WDR97: variants seen among roughly 807,000 people sequenced by gnomAD.
The protein encoded by WDR97 is WD repeat domain 97, also known as WD repeat-containing protein 97.
A neutral mutation model predicts 65.4 loss-of-function variants in WDR97; 111 were observed. The ratio of observed to expected loss-of-function variants is 1.70; its 90% CI spans 1.45 to 1.99. The LOEUF is 1.99. Among genes scored for constraint, WDR97 ranks in the 30% most tolerant of loss-of-function variants. WDR97 has a pLI of 0.00. For synonymous variants in WDR97, 802 were observed against 397.7 expected, an observed-to-expected ratio of 2.02 and a Z score of -12.10; for missense variants, 1,674 against 865.0, an observed-to-expected ratio of 1.94 and a Z score of -11.73.
At chr8:144,115,887 G>A (rs754611435) in intron 22 of WDR97, 29 bp downstream of exon 22, 5 of 698,488 alleles carry the variant, frequency 7.2e-6, no homozygotes, top group Admixed American at 2.0e-5. Flanking sequence ...GGCGGGGCCT[G>A]CGTGGGGCAG....
At chr8:144,108,012 G>A in intron 1 of WDR97, 47 bp from the exon 2 acceptor site, 2 of 702,528 alleles carry the variant, frequency 2.8e-6, no homozygotes, top group Admixed American at 2.0e-5. Flanking sequence ...CGTCAGGGTC[G>A]AGGACCTGAG....
Position 144,113,477 on chromosome 8 carries a change from C to A in WDR97, c.3143C>A (p.Pro1048His), listed in dbSNP as rs1836587877. 1 of 702,184 alleles carries A rather than the reference C, an allele frequency of 1.4e-6. No individual in the cohort carries two copies. Among genetic ancestry groups the A allele is most frequent in the Non-Finnish European group, 2.6e-6 (1 of 384,748 alleles). The allele number at this position is 702,184 out of a possible 1,614,324, so 43.5% of individuals were successfully genotyped here. A position where few individuals can be genotyped will look rare whatever the true frequency, so the allele number is the denominator to read the frequency against. The change falls in exon 16 of 24, where the codon CCC becomes CAC. Residue 1048 changes from proline to histidine, a missense_variant. Pro to His is a moderately conservative substitution (Grantham distance 77). Coordinates refer to ENST00000323662, the MANE Select transcript of WDR97 (RefSeq NM_001316309.2). ...CCCATCTGCTTCCCCGGCTATGTGC[C>A]CAACTCCGCGGTGCTACAGCAGATG... ...LRPICFPGYVPNSAVLQQMWL... is the reference protein window; with the variant it reads ...LRPICFPGYVHNSAVLQQMWL...
At position 144,115,924 on chromosome 8, in the gene WDR97, CCCT is replaced by C. The variant is rs1836647443; in HGVS notation, c.4596-14_4596-12del. ...CAAGCGTGGGGCTGGGCCAGCTGAA[CCCT>C]CCTCTTTGCCTCCAGGTACCACCCC... On this transcript the variant is annotated splice_polypyrimidine_tract_variant and intron_variant, in intron 22 of 23. Coordinates refer to ENST00000323662, the MANE Select transcript of WDR97 (RefSeq NM_001316309.2). 5.7e-6 allele frequency: 4 copies of C among 700,988 alleles called. No individual in the cohort carries two copies. Among genetic ancestry groups the C allele is most frequent in the Middle Eastern group, 2.6e-4 (1 of 3,900 alleles). The allele number at this position is 700,988 out of a possible 1,614,324, so 43.4% of individuals were successfully genotyped here.
In WDR97 at chr8:144,114,345, C is replaced by T. The variant is rs926604665; in HGVS notation, c.3662C>T (p.Thr1221Met). Residue 1221 changes from threonine (T) to methionine (M), a missense_variant, in exon 19 of 24, where the codon ACG becomes ATG. Thr to Met is a moderately conservative substitution (Grantham distance 81). Coordinates refer to ENST00000323662, the MANE Select transcript of WDR97 (RefSeq NM_001316309.2). ...SLLVALLEKT[T>M]WVDRVHILQV... is the part of the protein sequence containing the mutation. The stretch of plus-strand genomic sequence containing the variant: ...TTGGTGGCCCTGCTGGAGAAGACCA[C>T]GTGGGTCGACCGTGTGCACATCCTG... 48 of 702,758 alleles carry T rather than the reference C, an allele frequency of 6.8e-5. No homozygotes were observed. The highest frequency in any genetic ancestry group is 1.0e-4 in the South Asian group (7 of 67,606). 43.5% of individuals were successfully genotyped at this position (702,758 alleles called of 1,614,324 possible).
Position 144,117,316 on chromosome 8 carries a change from T to TCACAG in WDR97, c.*1023_*1024insCACAG. On this transcript the variant is annotated 3_prime_UTR_variant, in exon 24 of 24. Transcript: ENST00000323662. The stretch of plus-strand genomic sequence containing the variant: ...TGCAGAAGGCCAAGGTTCACAGGTG[T>TCACAG]GCGATGAGACTGAGGACTGAGTCTG... 6.6e-6 allele frequency: 1 copy of TCACAG among 152,212 alleles called. No individual in the cohort carries two copies. The highest frequency in any genetic ancestry group is 1.5e-5 in the Non-Finnish European group (1 of 68,072). 9.4% of individuals were successfully genotyped at this position (152,212 alleles called of 1,614,324 possible). A position where few individuals can be genotyped will look rare whatever the true frequency, so the allele number is the denominator to read the frequency against.
intron 8 of WDR97, 24 bp from the exon 9 acceptor site, chr8:144,110,840 C>T (rs1836532133): frequency 1.4e-6 from 1 of 702,638 alleles, no homozygotes; most frequent in East Asian, 2.7e-5. Context: ...TGCTGAGCCT[C>T]GGCTGCCCTG....
Position 144,112,563 on chromosome 8 carries a change from T to C in WDR97, c.3105+33T>C, listed in dbSNP as rs1234317479. The C allele has an allele frequency of 5.7e-6, 4 of 702,256 alleles. No homozygotes were observed. In the Admixed American group the frequency reaches 6.0e-5, roughly 11 times the overall value. 43.5% of individuals were successfully genotyped at this position (702,256 alleles called of 1,614,324 possible). On this transcript the variant is annotated intron_variant, in intron 15 of 23. Transcript: ENST00000323662. The stretch of plus-strand genomic sequence containing the variant: ...CCCCTCCCAGCTCCTGGAGAGCCAC[T>C]CCTCTCCAGGCATCACTCTTGTGCC...
rs2130044761 is a variant in WDR97, at chr8:144,108,852, C to A, written c.786C>A (p.Val262=). 1.4e-6 allele frequency: 1 copy of A among 702,960 alleles called. No homozygotes were observed. Among genetic ancestry groups the A allele is most frequent in the East Asian group, 2.7e-5 (1 of 37,284 alleles). The allele number at this position is 702,960 out of a possible 1,614,324, so 43.5% of individuals were successfully genotyped here. ...LAVAPVPPHH[V]LRCFAAYGSA... ...TGGCGCCGGTTCCTCCCCACCACGT[C>A]CTGCGCTGCTTCGCGGCCTATGGCT... The change falls in exon 3 of 24, where the codon GTC becomes GTA. Residue 262 remains valine, a synonymous_variant. Coordinates refer to ENST00000323662, the MANE Select transcript of WDR97 (RefSeq NM_001316309.2).
Position 144,114,102 on chromosome 8 carries a change from T to C in WDR97, c.3534T>C (p.Phe1178=). ...LDEHYGHLPK[F]LHFFIYQTWF... ...AGCATTACGGGCATCTGCCCAAGTT[T>C]CTGCATTTCTTCATCTACCAGACCT... is the stretch of plus-strand genomic sequence containing the variant. Residue 1178 remains phenylalanine (F), a synonymous_variant, in exon 18 of 24, where the codon TTT becomes TTC. Transcript: ENST00000323662. The C allele has an allele frequency of 1.4e-6, 1 of 702,878 alleles. No homozygotes were observed. The highest frequency in any genetic ancestry group is 1.5e-5 in the South Asian group (1 of 67,610). 43.5% of individuals were successfully genotyped at this position (702,878 alleles called of 1,614,324 possible). A position where few individuals can be genotyped will look rare whatever the true frequency, so the allele number is the denominator to read the frequency against.
Position 144,114,050 on chromosome 8 carries a change from A to T in WDR97, c.3482A>T (p.His1161Leu), listed in dbSNP as rs972508131. The T allele has an allele frequency of 1.4e-6, 1 of 702,724 alleles. No individual in the cohort carries two copies. Among genetic ancestry groups the T allele is most frequent in the African/African-American group, 1.7e-5 (1 of 57,282 alleles). The allele number at this position is 702,724 out of a possible 1,614,324, so 43.5% of individuals were successfully genotyped here. A position where few individuals can be genotyped will look rare whatever the true frequency, so the allele number is the denominator to read the frequency against. The change falls in exon 18 of 24, where the codon CAC becomes CTC. Residue 1161 changes from histidine (H) to leucine (L), a missense_variant. Transcript: ENST00000323662. Reference sequence around the variant, plus strand: ...GCCAGGACCCACCCTCATCCCTGGCACCGTCATGGGAGTTTGCTCTTGGAT... The same window carrying T: ...GCCAGGACCCACCCTCATCCCTGGCTCCGTCATGGGAGTTTGCTCTTGGAT... ...KVARTHPHPW[H>L]RHGSLLLDEH... is the part of the protein sequence containing the mutation.
In WDR97 at chr8:144,111,479, C is replaced by G; in HGVS notation, c.2480C>G (p.Pro827Arg). ...AGGGCAACATCTCAGCACCTGGTGCCGAAGGAGGTGGGGTGGGTCCTCCTT... is the reference window on the plus strand; with the variant it reads ...AGGGCAACATCTCAGCACCTGGTGCGGAAGGAGGTGGGGTGGGTCCTCCTT... ...RRRATSQHLV[P>R]KEDLDAIVAR... Residue 827 changes from proline (P) to arginine (R), a missense_variant, in exon 11 of 24, where the codon CCG becomes CGG. By Grantham distance (103) the Pro-to-Arg change is moderately radical (BLOSUM62 -2). Coordinates refer to ENST00000323662, the MANE Select transcript of WDR97 (RefSeq NM_001316309.2). 1 of 702,646 alleles carries G rather than the reference C, an allele frequency of 1.4e-6. No individual in the cohort carries two copies. The highest frequency in any genetic ancestry group is 1.7e-5 in the African/African-American group (1 of 57,350). The allele number at this position is 702,646 out of a possible 1,614,324, so 43.5% of individuals were successfully genotyped here.
intron 15 of WDR97, chr8:144,112,975 CT>C (rs1299588244): frequency 3.4e-6 from 1 of 297,558 alleles, no homozygotes; most frequent in East Asian, 7.6e-5. Context: ...CCAGGCAGGC[CT>C]CAGCCCCTCC....
rs1408038582 is a variant in WDR97 at position 144,115,552 on chromosome 8, C to T, written c.4289C>T (p.Thr1430Ile). The T allele has an allele frequency of 2.9e-6, 2 of 696,060 alleles. No homozygotes were observed. The highest frequency in any genetic ancestry group is 3.0e-5 in the South Asian group (2 of 67,284). The allele number at this position is 696,060 out of a possible 1,614,324, so 43.1% of individuals were successfully genotyped here. A position where few individuals can be genotyped will look rare whatever the true frequency, so the allele number is the denominator to read the frequency against. The change falls in exon 22 of 24, where the codon ACC (threonine) becomes ATC (isoleucine). Residue 1430 changes from threonine (T) to isoleucine (I), a missense_variant. By Grantham distance (89) the Thr-to-Ile change is moderately conservative. Coordinates refer to ENST00000323662, the MANE Select transcript of WDR97 (RefSeq NM_001316309.2). ...CTGGCACCCAAGCGCAGCTGGGGGA[C>T]CCCTCAGCTCCGTCTCAGAGTGCTC... ...RMLAPKRSWG[T>I]PQLRLRVLSE...
chr8:144,110,337 A>G lies in WDR97; in HGVS notation c.1844-4A>G, dbSNP rs1463180083. On this transcript the variant is annotated splice_region_variant and splice_polypyrimidine_tract_variant and intron_variant, in intron 6 of 23. Transcript: ENST00000323662. ...AAGGCCCAGCCAGATTCCGCTGCCC[A>G]CAGGTGGGGACCTGACGGTGAAGAT... 1.4e-6 allele frequency: 1 copy of G among 702,700 alleles called. No individual in the cohort carries two copies. The highest frequency in any genetic ancestry group is 2.6e-6 in the Non-Finnish European group (1 of 384,924). The allele number at this position is 702,700 out of a possible 1,614,324, so 43.5% of individuals were successfully genotyped here.
In WDR97 at chr8:144,110,940, T is replaced by C. The variant is rs960887743; in HGVS notation, c.2248T>C (p.Ser750Pro). The C allele has an allele frequency of 4.3e-6, 3 of 702,614 alleles. No homozygotes were observed. The Admixed American group carries it at 6.0e-5, about 14-fold the overall frequency. 43.5% of individuals were successfully genotyped at this position (702,614 alleles called of 1,614,324 possible). ...TGGAGACCTGGTGCTGGCGCTGGGA[T>C]CCCGCCTCTGCCTGGTGTCCCACAG... ...NSGDLVLALG[S>P]RLCLVSHRLY... The change falls in exon 9 of 24, where the codon TCC (serine) becomes CCC (proline). Residue 750 changes from serine to proline, a missense_variant. Ser to Pro is a moderately conservative substitution (Grantham distance 74). Coordinates refer to ENST00000323662, the MANE Select transcript of WDR97 (RefSeq NM_001316309.2).
In WDR97 at chr8:144,115,938, T is replaced by C. The variant is rs968365324; in HGVS notation, c.4596-5T>C. 1.9e-5 allele frequency: 13 copies of C among 701,022 alleles called. No individual in the cohort carries two copies. The highest frequency in any genetic ancestry group is 3.1e-5 in the Non-Finnish European group (12 of 384,366). The allele number at this position is 701,022 out of a possible 1,614,324, so 43.4% of individuals were successfully genotyped here. ...GGCCAGCTGAACCCTCCTCTTTGCC[T>C]CCAGGTACCACCCCATCCTCCGGCT... On this transcript the variant is annotated splice_polypyrimidine_tract_variant and splice_region_variant and intron_variant, in intron 22 of 23. Transcript: ENST00000323662.
rs1836649615 is a variant in WDR97 at position 144,115,989 on chromosome 8, G to T, written c.4642G>T (p.Ala1548Ser). ...RLQEAKPQRS[A>S]RSAMRLRGPM... ...GCAGGAGGCCAAGCCGCAGAGGTCC[G>T]CGAGGTCCGCGATGAGACTGAGGGG... Residue 1548 changes from alanine to serine, a missense_variant, in exon 23 of 24, where the codon GCG becomes TCG. Transcript: ENST00000323662. 1 of 700,618 alleles carries T rather than the reference G, an allele frequency of 1.4e-6. No individual in the cohort carries two copies. Among genetic ancestry groups the T allele is most frequent in the African/African-American group, 1.7e-5 (1 of 57,296 alleles). 43.4% of individuals were successfully genotyped at this position (700,618 alleles called of 1,614,324 possible).
At chr8:144,113,071 C>T (rs1836580529) in intron 15 of WDR97, 4 of 389,152 alleles carry the variant, frequency 1.0e-5, no homozygotes, top group Non-Finnish European at 1.4e-5. Flanking sequence ...TCTTCATTGC[C>T]CTTTCTCCAA....
rs1485692577 is a variant in WDR97, at chr8:144,114,327, C to T, written c.3644C>T (p.Ala1215Val). The T allele has an allele frequency of 2.8e-6, 2 of 702,662 alleles. No homozygotes were observed. The highest frequency in any genetic ancestry group is 3.0e-5 in the South Asian group (2 of 67,596). The allele number at this position is 702,662 out of a possible 1,614,324, so 43.5% of individuals were successfully genotyped here. A position where few individuals can be genotyped will look rare whatever the true frequency, so the allele number is the denominator to read the frequency against. ...GAGGGCCTGGCCTCGCTGTTGGTGGCCCTGCTGGAGAAGACCACGTGGGTC... is the reference window on the plus strand; with the variant it reads ...GAGGGCCTGGCCTCGCTGTTGGTGGTCCTGCTGGAGAAGACCACGTGGGTC... ...TIEGLASLLVALLEKTTWVDR... is the reference protein window; with the variant it reads ...TIEGLASLLVVLLEKTTWVDR... Residue 1215 changes from alanine (A) to valine (V), a missense_variant, in exon 19 of 24, where the codon GCC (alanine) becomes GTC (valine). By Grantham distance (64) the Ala-to-Val change is moderately conservative (BLOSUM62 0). Transcript: ENST00000323662.
Sources: gnomAD v4.1 joint callset for allele counts on GRCh38, gnomAD v4.1.1 for gene constraint, MANE v1.5 for transcripts, NCBI Gene and HGNC (gene_info 2026-07-23, HGNC 2026-07-21) for gene names.